VPS35L: variants seen among roughly 807,000 people sequenced by gnomAD.
VPS35L encodes VPS35 endosomal protein sorting factor like, also known as VPS35 endosomal protein-sorting factor-like.
VPS35L carries 83 observed loss-of-function variants against 133.0 expected under a neutral mutation model. The observed-to-expected ratio is 0.62, with a 90% confidence interval of 0.52 to 0.75. The LOEUF (loss-of-function observed/expected upper bound fraction) is 0.75, where lower values mean the gene tolerates loss of function less well. Ranked by LOEUF, VPS35L falls within the 30% of genes least tolerant of loss-of-function variation. The pLI, the probability that VPS35L is intolerant of heterozygous loss-of-function variation, is 0.00. For synonymous variants in VPS35L, 423 were observed against 449.9 expected (o/e 0.94, Z 0.76); for missense variants, 1,083 against 1,206.8 (o/e 0.90, Z 1.52).
intron 29 of VPS35L, chr16:19,694,057 T>C (rs1425045769): frequency 1.3e-5 from 2 of 151,986 alleles, no homozygotes; most frequent in Non-Finnish European, 2.9e-5. Context: ...CAGTGTATTA[T>C]ACATTTCAAA....
intron 1 of VPS35L, among the ~76,000 whole-genome samples, chr16:19,557,510 A>C (rs1970898736): frequency 6.6e-6 from 1 of 151,970 alleles, no homozygotes; most frequent in Non-Finnish European, 1.5e-5. Context: ...CACTCTCCCG[A>C]GTAGCTGGGA....
chr16:19,611,642 A>C (rs1597358594), intron 12 of VPS35L: 2 of 152,240 alleles, frequency 1.3e-5, no homozygotes, highest in Admixed American at 1.3e-4. Flanking sequence ...TCCATTAGGA[A>C]GGGCACTTTT....
intron 25 of VPS35L, among the ~76,000 whole-genome samples, chr16:19,651,498 C>G (rs1187698947): frequency 6.6e-6 from 1 of 152,154 alleles, no homozygotes; most frequent in African/African-American, 2.4e-5. Flanking sequence ...AGCCACCGCA[C>G]CCAGCCCTGC....
At chr16:19,587,304 C>T (rs888563217) in intron 7 of VPS35L, 8 of 450,666 alleles carry the variant, frequency 1.8e-5, no homozygotes, top group Non-Finnish European at 3.1e-5. Flanking sequence ...CTATGTTTTT[C>T]TCTACTGAGA....
intron 23 of VPS35L, among the ~76,000 whole-genome samples, chr16:19,645,783 G>C (rs1973927043): frequency 1.3e-5 from 2 of 152,202 alleles, no homozygotes; most frequent in South Asian, 4.1e-4. Flanking sequence ...CCTGAGTCAG[G>C]AGGGCCGAGA....
intron 19 of VPS35L, among the ~76,000 whole-genome samples, chr16:19,635,941 T>C (rs1439684719): frequency 6.6e-6 from 1 of 152,210 alleles, no homozygotes; most frequent in East Asian, 1.9e-4. Context: ...CCCATCACTT[T>C]GGGAAGCCAA....
intron 26 of VPS35L, among the ~76,000 whole-genome samples, chr16:19,664,186 A>G (rs562121273): frequency 1.3e-5 from 2 of 152,256 alleles, no homozygotes; most frequent in South Asian, 4.1e-4. Context: ...AAGGACCCCA[A>G]CAATTCTTAC....
intron 19 of VPS35L, 109 bp from the exon 20 acceptor site, chr16:19,637,485 A>G: frequency 1.4e-6 from 1 of 700,672 alleles, no homozygotes. Context: ...ATGAAAGGTG[A>G]TTGCCTTTTT....
chr16:19,674,800 C>T (rs1449938126), intron 27 of VPS35L, among the ~76,000 whole-genome samples: 2 of 152,060 alleles, frequency 1.3e-5, no homozygotes, highest in African/African-American at 4.8e-5. Context: ...TATGTGGACT[C>T]ATGCAATATT....
chr16:19,626,170 A>T lies in VPS35L; in HGVS notation c.1225-7A>T. The T allele has an allele frequency of 6.4e-7, 1 of 1,569,622 alleles. No individual in the cohort carries two copies. The highest frequency in any genetic ancestry group is 1.2e-5 in the South Asian group (1 of 86,820). ...TTTTTTAATTATTATTATTTTTAAC[A>T]TAATAGGCTCTGCTGACCGAGATGA... On this transcript the variant is annotated splice_polypyrimidine_tract_variant and splice_region_variant and intron_variant, in intron 14 of 30. Coordinates refer to ENST00000417362, the MANE Select transcript of VPS35L (RefSeq NM_020314.7).
chr16:19,697,319 C>G (rs922241423), intron 29 of VPS35L, among the ~76,000 whole-genome samples: 2 of 152,108 alleles, frequency 1.3e-5, no homozygotes, highest in Non-Finnish European at 2.9e-5. Flanking sequence ...GCCACCTTGC[C>G]CAACTGCATT....
chr16:19,613,361 G>A (rs565969599), intron 12 of VPS35L, among the ~76,000 whole-genome samples: 228 of 139,504 alleles, frequency 1.6e-3, no homozygotes, highest in African/African-American at 7.5e-3. Context: ...GTTCCAAGTG[G>A]CAAAACCCAG....
intron 26 of VPS35L, among the ~76,000 whole-genome samples, chr16:19,657,001 C>T (rs7203851): frequency 0.2 from 28,976 of 142,726 alleles, 5,356 homozygotes; most frequent in African/African-American, 0.49. Flanking sequence ...AGTCCTGCTC[C>T]GTCGTCCAGG....
At chr16:19,683,929 A>T (rs569240242) in intron 28 of VPS35L, among the ~76,000 whole-genome samples, 8 of 152,328 alleles carry the variant, frequency 5.3e-5, no homozygotes, top group African/African-American at 1.4e-4. Context: ...ACAGAGTGTT[A>T]AGTGTTCTCT....
Position 19,636,802 on chromosome 16 carries a change from A to G in VPS35L, c.1636-792A>G, listed in dbSNP as rs74011472. On this transcript the variant is annotated intron_variant, in intron 19 of 30. Coordinates refer to ENST00000417362, the MANE Select transcript of VPS35L (RefSeq NM_020314.7). ...CGCATCTTCTTGGCTCTCCTGGACC[A>G]AGGCCCTGTCAGCCTTTCAGTCTGG... Among the ~76,000 whole-genome samples the G allele has an allele frequency of 5.8e-3, 877 of 152,328 alleles. 9 individuals carry two copies. Among genetic ancestry groups the G allele is most frequent in the African/African-American group, 0.02 (818 of 41,574 alleles).
chr16:19,638,466 C>T (rs560880669), intron 20 of VPS35L, among the ~76,000 whole-genome samples: 1 of 152,190 alleles, frequency 6.6e-6, no homozygotes, highest in Admixed American at 6.5e-5. Context: ...GCTGTGTATA[C>T]TATGTTTTAT....
At chr16:19,584,212 G>A (rs1400241834) in intron 7 of VPS35L, among the ~76,000 whole-genome samples, 1 of 152,170 alleles carries the variant, frequency 6.6e-6, no homozygotes, top group Non-Finnish European at 1.5e-5. Context: ...TTCTTTAGAT[G>A]ATAACCTAGT....
rs115691876 is a variant in VPS35L at position 19,590,003 on chromosome 16, A to T, written c.640-1787A>T. On this transcript the variant is annotated intron_variant, in intron 7 of 30. Transcript: ENST00000417362. ...TCCAGCCTTGAAATCTCATGGGGGC[A>T]GCTGTTTAAGTTGGAACTCTCACAA... Among the ~76,000 whole-genome samples, 912 of 152,270 alleles carry T rather than the reference A, an allele frequency of 6.0e-3. 18 individuals are homozygous for T. Among genetic ancestry groups the T allele is most frequent in the African/African-American group, 0.021 (870 of 41,556 alleles).
rs1409924744 is a variant in VPS35L, at chr16:19,699,868, C to CA, written c.2793+221dup. 2.0e-5 allele frequency among the ~76,000 whole-genome samples: 3 copies of CA among 152,154 alleles called. No homozygotes were observed. The highest frequency in any genetic ancestry group is 4.4e-5 in the Non-Finnish European group (3 of 68,020). On this transcript the variant is annotated intron_variant, in intron 30 of 30. Coordinates refer to ENST00000417362, the MANE Select transcript of VPS35L (RefSeq NM_020314.7). The surrounding 1 kb of genome is among the most constrained non-coding windows in gnomAD (Gnocchi z 4.2). ...ATCCCAGCACTTTGGGAGGCTGAGA[C>CA]AGGAGGATCGCTTGAGGCTAAGGGT...
Sources: gnomAD v4.1 joint callset for allele counts (sites outside exome capture counted in the v4.1 genomes callset) on GRCh38, gnomAD v4.1.1 for gene constraint, Gnocchi (gnomAD v3.1) non-coding constraint, MANE v1.5 for transcripts, NCBI Gene and HGNC (gene_info 2026-07-23, HGNC 2026-07-21) for gene names.